The following NRXN3 variants were observed in gnomAD, a reference collection of about 807,000 sequenced individuals.
The protein encoded by NRXN3 is neurexin III.
A neutral mutation model predicts 137.6 loss-of-function variants in NRXN3; 32 were observed. The observed-to-expected ratio is 0.23, with a 90% CI of 0.18 to 0.31. The LOEUF is 0.31. Among genes scored for constraint, NRXN3 ranks in the 10% least tolerant of loss-of-function variants. The pLI, the probability that NRXN3 is intolerant of heterozygous loss-of-function variation, is 1.00. For missense variants in NRXN3, 1,574 were observed against 2,062.5 expected, an observed-to-expected ratio of 0.76 and a Z score of 4.59; for synonymous variants, 798 against 784.5, an observed-to-expected ratio of 1.02 and a Z score of -0.29.
chr14:78,187,054 C>G (rs761785323), intron 1 of NRXN3, among the ~76,000 whole-genome samples: 1 of 152,092 alleles, frequency 6.6e-6, no homozygotes, highest in South Asian at 2.1e-4. Context: ...GCATGACGCT[C>G]GGAGTTATCA....
intron 16 of NRXN3, among the ~76,000 whole-genome samples, chr14:79,543,538 G>A (rs1567448812): frequency 6.6e-6 from 1 of 152,206 alleles, no homozygotes. Flanking sequence ...GGGTATCAGG[G>A]TGATTGGGCT....
intron 1 of NRXN3, among the ~76,000 whole-genome samples, chr14:78,218,638 C>A (rs780790515): frequency 6.6e-6 from 1 of 152,218 alleles, no homozygotes; most frequent in Non-Finnish European, 1.5e-5. Flanking sequence ...AATGAAATTG[C>A]ATCACAATTC....
rs561207858 is a variant in NRXN3, at chr14:79,725,414, GT to G, written c.4014+27480del. ...TTTAAGAAAACTTACCATCAGTGTGGTTTCCCCCTTTCTCTCAGTCAAGCAC... is the reference window on the plus strand; with the variant it reads ...TTTAAGAAAACTTACCATCAGTGTGGTTCCCCCTTTCTCTCAGTCAAGCAC... On this transcript the variant is annotated intron_variant, in intron 19 of 20. Transcript: ENST00000335750. 5.9e-4 allele frequency among the ~76,000 whole-genome samples: 90 copies of G among 152,210 alleles called. 3 individuals carry two copies. In the South Asian group the frequency reaches 0.018, roughly 30 times the overall value.
At chr14:78,262,481 A>G (rs965124455) in intron 2 of NRXN3, among the ~76,000 whole-genome samples, 2 of 152,202 alleles carry the variant, frequency 1.3e-5, no homozygotes, top group Non-Finnish European at 2.9e-5. Flanking sequence ...TGCTGGGACT[A>G]GAAAGCAATA....
chr14:79,171,089 C>A (rs2061731599), intron 15 of NRXN3, among the ~76,000 whole-genome samples: 1 of 152,092 alleles, frequency 6.6e-6, no homozygotes, highest in Non-Finnish European at 1.5e-5. Context: ...ACCTACTCTA[C>A]AAGGTTTTAC....
intron 15 of NRXN3, among the ~76,000 whole-genome samples, chr14:79,066,296 T>C (rs949285594): frequency 6.6e-6 from 1 of 152,102 alleles, no homozygotes; most frequent in South Asian, 2.1e-4. Flanking sequence ...ATCACATGGT[T>C]GTAGGTGTGC....
intron 19 of NRXN3, among the ~76,000 whole-genome samples, chr14:79,769,291 C>T (rs1250642927): frequency 2.0e-5 from 3 of 150,576 alleles, no homozygotes; most frequent in Non-Finnish European, 4.4e-5. Context: ...AGATACTCCT[C>T]GAGAAGAGCA....
chr14:78,210,890 C>T (rs906174956), intron 1 of NRXN3, among the ~76,000 whole-genome samples: 1 of 152,078 alleles, frequency 6.6e-6, no homozygotes, highest in South Asian at 2.1e-4. Context: ...TTGTGACCAC[C>T]AGGGAGCATG....
chr14:79,106,293 C>T (rs1317398826), intron 15 of NRXN3, among the ~76,000 whole-genome samples: 1 of 151,950 alleles, frequency 6.6e-6, no homozygotes, highest in Non-Finnish European at 1.5e-5. Flanking sequence ...TGGACTGAAA[C>T]CCAATTCAAG....
chr14:78,856,172 C>G (rs1347904068), intron 10 of NRXN3, among the ~76,000 whole-genome samples: 1 of 152,202 alleles, frequency 6.6e-6, no homozygotes, highest in Non-Finnish European at 1.5e-5. Context: ...AAGCTTTTCA[C>G]AGTTGCAAAG....
At chr14:78,421,547 C>A (rs2093446488) in intron 4 of NRXN3, among the ~76,000 whole-genome samples, 1 of 152,054 alleles carries the variant, frequency 6.6e-6, no homozygotes, top group Non-Finnish European at 1.5e-5. Context: ...GAGACTATTT[C>A]TTTCTTTAAA....
Position 79,286,141 on chromosome 14 carries a change from T to C in NRXN3, c.3263-181080T>C, listed in dbSNP as rs187964837. 1.8e-3 allele frequency among the ~76,000 whole-genome samples: 271 copies of C among 152,246 alleles called. 1 individual carries two copies. Among genetic ancestry groups the C allele is most frequent in the African/African-American group, 6.0e-3 (251 of 41,532 alleles). ...GATCTTTATTTGCACATAGACTAATTCTGTCTGACTGCAGACACATGCTCT... is the reference window on the plus strand; with the variant it reads ...GATCTTTATTTGCACATAGACTAATCCTGTCTGACTGCAGACACATGCTCT... On this transcript the variant is annotated intron_variant, in intron 15 of 20. Coordinates refer to ENST00000335750, the MANE Select transcript of NRXN3 (RefSeq NM_001330195.2).
At chr14:78,622,453 C>T (rs894879399) in intron 4 of NRXN3, among the ~76,000 whole-genome samples, 8 of 152,092 alleles carry the variant, frequency 5.3e-5, no homozygotes, top group Non-Finnish European at 8.8e-5. Flanking sequence ...TACTACAGAT[C>T]CATTTCACTA....
intron 2 of NRXN3, among the ~76,000 whole-genome samples, chr14:78,263,213 G>A (rs2205161): frequency 0.9 from 137,339 of 152,258 alleles, 62,141 homozygotes; most frequent in Middle Eastern, 0.97. Flanking sequence ...AATTGCTTTA[G>A]ATATATTAGA....
At chr14:79,162,229 T>G (rs2060852038) in intron 15 of NRXN3, among the ~76,000 whole-genome samples, 1 of 151,288 alleles carries the variant, frequency 6.6e-6, no homozygotes, top group Admixed American at 6.6e-5. Context: ...GCCATGCTGG[T>G]GCGCTGCACC....
At chr14:79,393,755 C>T (rs2094930667) in intron 15 of NRXN3, among the ~76,000 whole-genome samples, 1 of 152,274 alleles carries the variant, frequency 6.6e-6, no homozygotes, top group African/African-American at 2.4e-5. Context: ...GCAGAGCTTG[C>T]AGTGAGCCCA....
rs80278561 is a variant in NRXN3, at chr14:78,603,588, A to G, written c.758-41532A>G. 3.8e-3 allele frequency among the ~76,000 whole-genome samples: 574 copies of G among 152,318 alleles called. 4 individuals carry two copies. Among genetic ancestry groups the G allele is most frequent in the African/African-American group, 0.013 (525 of 41,554 alleles). On this transcript the variant is annotated intron_variant, in intron 4 of 20. Transcript: ENST00000335750. ...TGTTAAACTTAATTATATTTCTTGA[A>G]AGACCTCTAAACAGTTATAATTAGA...
chr14:79,310,722 T>C (rs2087092841), intron 15 of NRXN3, among the ~76,000 whole-genome samples: 1 of 110,284 alleles, frequency 9.1e-6, no homozygotes, highest in African/African-American at 4.3e-5. Context: ...ACTCATGATT[T>C]GGCTCTCTGT....
At chr14:78,448,998 C>T (rs2094489115) in intron 4 of NRXN3, among the ~76,000 whole-genome samples, 1 of 152,162 alleles carries the variant, frequency 6.6e-6, no homozygotes, top group African/African-American at 2.4e-5. Context: ...TCTCCCCACC[C>T]TGGGCGCGGA....
Sources: allele counts gnomAD v4.1 joint callset (sites outside exome capture counted in the v4.1 genomes callset), GRCh38; gene constraint gnomAD v4.1.1; transcripts MANE v1.5; gene names NCBI Gene and HGNC (gene_info 2026-07-23, HGNC 2026-07-21).